Variants in PTPRN2 observed in about 807,000 individuals in gnomAD.
PTPRN2 encodes protein tyrosine phosphatase receptor type N2.
In PTPRN2, 74 loss-of-function variants were observed where a neutral mutation model predicts 118.8. The ratio of observed to expected loss-of-function variants is 0.62; its 90% confidence interval spans 0.52 to 0.76. The LOEUF (loss-of-function observed/expected upper bound fraction) is 0.76. Ranked by LOEUF, PTPRN2 falls within the 30% of genes least tolerant of loss-of-function variation. The probability of loss-of-function intolerance (pLI) is 0.00; values close to 1 mark genes in which losing one functional copy is unlikely to be tolerated. For missense variants in PTPRN2, 1,481 were observed against 1,394.4 expected (o/e 1.06, Z -0.99); for synonymous variants, 641 against 608.0 (o/e 1.05, Z -0.80).
chr7:157,869,077 G>A lies in PTPRN2; in HGVS notation c.1788+29596C>T, dbSNP rs1424170156. ...ATCTGTAAGTACTAAGTTTTAAAAT[G>A]CGTGTGAGCAAGTCAAATTTCTGAT... On this transcript the variant is annotated intron_variant, in intron 12 of 22. Transcript: ENST00000389418. The surrounding 1 kb of genome is among the most constrained non-coding windows in gnomAD (Gnocchi z 4.2). 2 of 152,234 alleles carry A rather than the reference G, an allele frequency of 1.3e-5. No homozygotes were observed. The highest frequency in any genetic ancestry group is 2.9e-5 in the Non-Finnish European group (2 of 68,036). The allele number at this position is 152,234 out of a possible 1,614,324, so 9.4% of individuals were successfully genotyped here.
intron 11 of PTPRN2, among the ~76,000 whole-genome samples, chr7:158,037,519 G>A (rs991302621): frequency 4.6e-5 from 7 of 152,276 alleles, no homozygotes; most frequent in East Asian, 1.9e-4. Flanking sequence ...TTACTGTTCC[G>A]AGTACTGTAG....
At chr7:157,834,564 C>G (rs1437342180) in intron 12 of PTPRN2, among the ~76,000 whole-genome samples, 1 of 152,282 alleles carries the variant, frequency 6.6e-6, no homozygotes, top group African/African-American at 2.4e-5. Context: ...ATCAATTGAT[C>G]AGTCGACCCA....
intron 3 of PTPRN2, among the ~76,000 whole-genome samples, chr7:158,226,657 C>T (rs908465793): frequency 2.1e-5 from 3 of 143,320 alleles, no homozygotes; most frequent in Non-Finnish European, 4.5e-5. Flanking sequence ...ATATGAGGAA[C>T]GAAGACAGCG....
At chr7:157,790,157 ATGTGGTGTG>A (rs1252005537) in intron 12 of PTPRN2, among the ~76,000 whole-genome samples, 1 of 59,006 alleles carries the variant, frequency 1.7e-5, no homozygotes, top group Admixed American at 2.2e-4. Context: ...TGTGGTGTGA[ATGTGGTGTG>A]TGTGGTGTGT....
At chr7:158,292,959 T>C (rs1800217382) in intron 3 of PTPRN2, among the ~76,000 whole-genome samples, 1 of 151,954 alleles carries the variant, frequency 6.6e-6, no homozygotes, top group Non-Finnish European at 1.5e-5. Context: ...TCCCAGCTAC[T>C]AGGGAGGCTG....
chr7:158,341,866 C>A (rs1420567647), intron 2 of PTPRN2, among the ~76,000 whole-genome samples: 13 of 128,550 alleles, frequency 1.0e-4, no homozygotes, highest in African/African-American at 3.8e-4. Flanking sequence ...AGAGTGTGCC[C>A]CGCAGGCGTC....
At chr7:158,571,783 C>T (rs955411752) in intron 1 of PTPRN2, among the ~76,000 whole-genome samples, 5 of 152,162 alleles carry the variant, frequency 3.3e-5, no homozygotes, top group Non-Finnish European at 7.3e-5. Context: ...TTCATTGCTG[C>T]TGTTTCCATT....
chr7:158,265,663 G>A (rs1041818023), intron 3 of PTPRN2, among the ~76,000 whole-genome samples: 1 of 152,246 alleles, frequency 6.6e-6, no homozygotes, highest in Non-Finnish European at 1.5e-5. Flanking sequence ...CAGGAGGCCT[G>A]GCAGAACTGT....
At chr7:157,675,934 A>G (rs1796645544) in intron 13 of PTPRN2, among the ~76,000 whole-genome samples, 2 of 152,096 alleles carry the variant, frequency 1.3e-5, no homozygotes, top group African/African-American at 4.8e-5. Flanking sequence ...AAAAGATGAA[A>G]AGTGTGGCAA....
At position 158,186,372 on chromosome 7, in the gene PTPRN2, C is replaced by T. The variant is rs151315832; in HGVS notation, c.549+5955G>A. ...GGGATAGTCTCCTGGCAGATTTCTC[C>T]CGGGGGCTCACTCATGTGGTCGGGG... On this transcript the variant is annotated intron_variant, in intron 5 of 22. Coordinates refer to ENST00000389418, the MANE Select transcript of PTPRN2 (RefSeq NM_002847.5). Among the ~76,000 whole-genome samples the T allele has an allele frequency of 1.6e-3, 251 of 152,248 alleles. 2 individuals are homozygous for T. Among genetic ancestry groups the T allele is most frequent in the African/African-American group, 5.9e-3 (247 of 41,540 alleles).
At chr7:158,150,594 A>G (rs1820890040) in intron 6 of PTPRN2, among the ~76,000 whole-genome samples, 1 of 151,818 alleles carries the variant, frequency 6.6e-6, no homozygotes, top group Non-Finnish European at 1.5e-5. Flanking sequence ...ATCTATATGG[A>G]AAGACCTTTT....
intron 21 of PTPRN2, among the ~76,000 whole-genome samples, chr7:157,555,150 G>A (rs1236145880): frequency 1.3e-5 from 2 of 152,206 alleles, no homozygotes; most frequent in Non-Finnish European, 2.9e-5. Context: ...TGGCCACTGG[G>A]TACCATCCCG....
chr7:157,970,779 G>A (rs1002003826), intron 11 of PTPRN2, among the ~76,000 whole-genome samples: 2 of 152,088 alleles, frequency 1.3e-5, no homozygotes, highest in Admixed American at 1.3e-4. Flanking sequence ...TGCCCAGCAT[G>A]CCCTCTCTGG....
At chr7:157,704,509 G>A (rs1024857590) in intron 12 of PTPRN2, among the ~76,000 whole-genome samples, 1 of 152,228 alleles carries the variant, frequency 6.6e-6, no homozygotes, top group Non-Finnish European at 1.5e-5. Context: ...GCTTGGGAAT[G>A]GAGGGCCTGA....
intron 12 of PTPRN2, among the ~76,000 whole-genome samples, chr7:157,770,703 C>G (rs1010852600): frequency 1.3e-5 from 2 of 152,230 alleles, no homozygotes; most frequent in African/African-American, 4.8e-5. Context: ...CTCGGGTAGA[C>G]GGACATCCTC....
chr7:158,334,723 A>T (rs1362226087), intron 2 of PTPRN2, among the ~76,000 whole-genome samples: 12 of 16,386 alleles, frequency 7.3e-4, no homozygotes, highest in Non-Finnish European at 9.9e-4. Context: ...CAGACGTCAC[A>T]CCCACACTCT....
At chr7:157,952,433 CG>C (rs1800888781) in intron 11 of PTPRN2, among the ~76,000 whole-genome samples, 1 of 68,286 alleles carries the variant, frequency 1.5e-5, no homozygotes, top group Non-Finnish European at 3.2e-5. Context: ...GGGAGACAGG[CG>C]AGGGTGGGTA....
intron 2 of PTPRN2, among the ~76,000 whole-genome samples, chr7:158,447,711 G>A (rs1034908906): frequency 1.3e-5 from 2 of 152,244 alleles, no homozygotes; most frequent in African/African-American, 4.8e-5. Flanking sequence ...GGTGGGCTGC[G>A]TCAAGCTGTT....
intron 12 of PTPRN2, among the ~76,000 whole-genome samples, chr7:157,840,063 GTAAC>G (rs897687167): frequency 3.3e-5 from 5 of 150,748 alleles, no homozygotes; most frequent in Non-Finnish European, 5.9e-5. Context: ...GTGTGACTGT[GTAAC>G]TATGTGTGAT....
Sources: allele counts gnomAD v4.1 joint callset (sites outside exome capture counted in the v4.1 genomes callset), GRCh38; gene constraint gnomAD v4.1.1; non-coding constraint Gnocchi (gnomAD v3.1); transcripts MANE v1.5; gene names NCBI Gene and HGNC (gene_info 2026-07-23, HGNC 2026-07-21).